Variants in DGKK observed in about 807,000 individuals in gnomAD.
The protein encoded by DGKK is diacylglycerol kinase kappa.
Under a neutral mutation model 92.2 loss-of-function variants are expected in DGKK, and 35 were observed. That is an observed-to-expected ratio of 0.38 (90% confidence interval 0.29 to 0.50). The LOEUF (loss-of-function observed/expected upper bound fraction) is 0.50. Ranked by LOEUF, DGKK falls within the 20% of genes least tolerant of loss-of-function variation. The pLI is 0.92. For synonymous variants in DGKK, 368 were observed against 360.6 expected (o/e 1.02, Z -0.23); for missense variants, 910 against 992.2 (o/e 0.92, Z 1.11).
chrX:50,374,587 T>A (rs1557223585), intron 25 of DGKK, among the ~76,000 whole-genome samples: 1 of 111,480 alleles, frequency 9.0e-6, no homozygotes, highest in Non-Finnish European at 1.9e-5. Flanking sequence ...TTCCCACTAT[T>A]CCACACCACC....
In DGKK at chrX:50,420,497, G is replaced by A. The variant is rs370368737; in HGVS notation, c.848C>T (p.Pro283Leu). ...TGCAGCCAGAGTGATTTTTCGTTGTGGTGTAATAACCTAAACAAAAAGCCA... is the reference window on the plus strand; with the variant it reads ...TGCAGCCAGAGTGATTTTTCGTTGTAGTGTAATAACCTAAACAAAAAGCCA... ...NLCHSFCVIT[P>L]QRKITLAAPN... Residue 283 changes from proline to leucine, a missense_variant, in exon 4 of 28, where the codon CCA becomes CTA. Pro to Leu is a moderately conservative substitution (Grantham distance 98, BLOSUM62 -3). Coordinates refer to ENST00000611977, the MANE Select transcript of DGKK (RefSeq NM_001013742.4). The A allele has an allele frequency of 2.2e-5, 26 of 1,207,168 alleles. No individual in the cohort carries two copies. In the African/African-American group the frequency reaches 3.5e-4, roughly 16 times the overall value.
In DGKK at chrX:50,382,563, T is replaced by C; in HGVS notation, c.2590A>G (p.Ile864Val). The C allele has an allele frequency of 3.3e-6, 4 of 1,210,493 alleles. No individual in the cohort carries two copies. Among genetic ancestry groups the C allele is most frequent in the Non-Finnish European group, 4.5e-6 (4 of 894,588 alleles). The stretch of plus-strand genomic sequence containing the variant: ...AGAGAAATTTTAGCATCCAGTCCAA[T>C]TCCGAAGTAGTTGTTCATGACACAT... ...EKCVMNNYFG[I>V]GLDAKISLDF... The change falls in exon 18 of 28, where the codon ATT becomes GTT. Residue 864 changes from isoleucine to valine, a missense_variant. Coordinates refer to ENST00000611977, the MANE Select transcript of DGKK (RefSeq NM_001013742.4).
intron 1 of DGKK, among the ~76,000 whole-genome samples, chrX:50,469,716 T>C (rs1927004656): frequency 8.9e-6 from 1 of 112,610 alleles, no homozygotes; most frequent in Non-Finnish European, 1.9e-5. Flanking sequence ...CCCGAGGGTA[T>C]CTTCCTCCTC....
At chrX:50,384,897 A>G in intron 15 of DGKK, 73 bp from the exon 16 acceptor site, 3 of 735,637 alleles carry the variant, frequency 4.1e-6, no homozygotes, top group Non-Finnish European at 6.1e-6. Flanking sequence ...GGAGGGAGGG[A>G]GGATGGAAGG....
intron 11 of DGKK, 142 bp downstream of exon 11, chrX:50,391,295 C>G: frequency 1.2e-6 from 1 of 802,810 alleles, no homozygotes; most frequent in Non-Finnish European, 1.7e-6. Context: ...CAAGCCCCAC[C>G]CAACCCACAA....
intron 1 of DGKK, among the ~76,000 whole-genome samples, chrX:50,425,307 G>C (rs9969978): frequency 0.33 from 36,410 of 109,718 alleles, 4,566 homozygotes; most frequent in Admixed American, 0.43. Context: ...GGTAATATTT[G>C]AAAGGTGGAA....
intron 15 of DGKK, 77 bp downstream of exon 15, chrX:50,386,281 G>A (rs1437299879): frequency 4.0e-6 from 3 of 745,694 alleles, no homozygotes; most frequent in South Asian, 4.8e-5. Context: ...CAAACCCGGA[G>A]TCAGTGAGGC....
intron 1 of DGKK, among the ~76,000 whole-genome samples, chrX:50,438,972 A>G (rs2147143096): frequency 8.9e-6 from 1 of 111,734 alleles, no homozygotes; most frequent in South Asian, 3.8e-4. Context: ...GGCAAACCTC[A>G]GCATAAAACT....
intron 17 of DGKK, among the ~76,000 whole-genome samples, chrX:50,383,477 A>G (rs1363568718): frequency 8.9e-6 from 1 of 112,319 alleles, no homozygotes; most frequent in Non-Finnish European, 1.9e-5. Flanking sequence ...TTAAGAAAAC[A>G]TAAATAATTT....
At chrX:50,380,510 G>A (rs782194808) in intron 18 of DGKK, among the ~76,000 whole-genome samples, 9 of 111,203 alleles carry the variant, frequency 8.1e-5, no homozygotes, top group Admixed American at 1.9e-4. Flanking sequence ...TTTTGAAGCA[G>A]CAACTTTTCT....
intron 8 of DGKK, 45 bp downstream of exon 8, chrX:50,400,992 C>T (rs1333113681): frequency 1.8e-6 from 2 of 1,101,282 alleles, no homozygotes; most frequent in African/African-American, 3.7e-5. Context: ...TTGCACCTTC[C>T]CTACATGCCC....
intron 1 of DGKK, among the ~76,000 whole-genome samples, chrX:50,432,873 C>G (rs5961182): frequency 0.038 from 4,245 of 111,660 alleles, 209 homozygotes; most frequent in African/African-American, 0.13. Context: ...GCCCCTCCCC[C>G]CTTCTTCTTT....
chrX:50,432,872 C>T (rs187720725), intron 1 of DGKK, among the ~76,000 whole-genome samples: 2 of 111,826 alleles, frequency 1.8e-5, no homozygotes, highest in African/African-American at 3.2e-5. Context: ...TGCCCCTCCC[C>T]CCTTCTTCTT....
chrX:50,378,256 T>C (rs1602267587), intron 21 of DGKK, 24 bp from the exon 22 acceptor site: 3 of 1,199,849 alleles, frequency 2.5e-6, no homozygotes, highest in South Asian at 3.6e-5. Flanking sequence ...TGAGGAAGAA[T>C]GGGAGAGAAA....
intron 1 of DGKK, among the ~76,000 whole-genome samples, chrX:50,458,370 G>T (rs984780590): frequency 5.0e-4 from 55 of 109,704 alleles, no homozygotes; most frequent in African/African-American, 1.7e-3. Context: ...GAAGATAAAA[G>T]GCTTCACTGG....
At chrX:50,465,333 T>C (rs1320488436) in intron 1 of DGKK, among the ~76,000 whole-genome samples, 1 of 110,735 alleles carries the variant, frequency 9.0e-6, no homozygotes, top group African/African-American at 3.3e-5. Flanking sequence ...TCCCTTTCTT[T>C]TCGTTTTTAA....
chrX:50,470,670 G>C lies in DGKK; in HGVS notation c.9C>G (p.Arg3=), dbSNP rs782558880. 96 of 1,103,977 alleles carry C rather than the reference G, an allele frequency of 8.7e-5. No individual in the cohort carries two copies. In the African/African-American group the frequency reaches 1.6e-3, roughly 19 times the overall value. 91.0% of individuals were successfully genotyped at this position (1,103,977 alleles called of 1,213,427 possible). The change falls in exon 1 of 28, where the codon CGC becomes CGG. Residue 3 remains arginine, a synonymous_variant. Coordinates refer to ENST00000611977, the MANE Select transcript of DGKK (RefSeq NM_001013742.4). ...CAGTGCCCTGGGCTGCGGCAGCTCC[G>C]CGGTCCATGGCCGCACACCGCTTCA... MD[R]GAAAAQGTAP...
At chrX:50,376,235 G>A in intron 23 of DGKK, 70 bp from the exon 24 acceptor site, 1 of 1,124,367 alleles carries the variant, frequency 8.9e-7, no homozygotes, top group Non-Finnish European at 1.2e-6. Context: ...GCACTGGTGA[G>A]GGTTTGGGTA....
At chrX:50,399,558 A>C (rs1334609136) in intron 8 of DGKK, among the ~76,000 whole-genome samples, 2 of 112,164 alleles carry the variant, frequency 1.8e-5, no homozygotes, top group Non-Finnish European at 3.8e-5. Context: ...AATTAGAGAA[A>C]TATAGATTAA....
Sources: allele counts gnomAD v4.1 joint callset (sites outside exome capture counted in the v4.1 genomes callset), GRCh38; gene constraint gnomAD v4.1.1; transcripts MANE v1.5; gene names NCBI Gene and HGNC (gene_info 2026-07-23, HGNC 2026-07-21).